Variants in ZFHX3 observed in about 807,000 individuals in gnomAD.
The protein encoded by ZFHX3 is zinc finger homeobox protein 3.
In ZFHX3, 42 loss-of-function variants were observed where a neutral mutation model predicts 279.1. That is an observed-to-expected ratio of 0.15 (90% CI 0.12 to 0.19). The LOEUF (loss-of-function observed/expected upper bound fraction) is 0.19, where lower values mean the gene tolerates loss of function less well. Ranked by LOEUF, ZFHX3 falls within the 10% of genes least tolerant of loss-of-function variation. ZFHX3 has a pLI of 1.00. For synonymous variants in ZFHX3, 2,293 were observed against 1,957.8 expected, an observed-to-expected ratio of 1.17 and a Z score of -4.52; for missense variants, 4,981 against 4,754.0, an observed-to-expected ratio of 1.05 and a Z score of -1.40.
chr16:72,811,554 G>A lies in ZFHX3; in HGVS notation c.3864+23C>T, dbSNP rs374024807. 8.4e-6 allele frequency: 13 copies of A among 1,553,314 alleles called. No individual in the cohort carries two copies. In the African/African-American group the frequency reaches 1.2e-4, roughly 15 times the overall value. On this transcript the variant is annotated intron_variant, in intron 7 of 9. Coordinates refer to ENST00000268489, the MANE Select transcript of ZFHX3 (RefSeq NM_006885.4). ...CTTTGACCCTGGAGAAAGACCACAG[G>A]GTGCTGCTCCTGGCTGCCTTACCGT...
At chr16:73,404,030 A>G (rs1337412673) in intron 3 of ZFHX3, among the ~76,000 whole-genome samples, 3 of 152,156 alleles carry the variant, frequency 2.0e-5, no homozygotes, top group African/African-American at 7.2e-5. Context: ...ATAAATTCAG[A>G]TCTTAGAAAA....
chr16:73,334,740 C>T (rs2015875618), intron 3 of ZFHX3, among the ~76,000 whole-genome samples: 1 of 151,360 alleles, frequency 6.6e-6, no homozygotes, highest in Admixed American at 6.6e-5. Flanking sequence ...CTGTCCCCTC[C>T]TCCTCTCAGT....
intron 1 of ZFHX3, among the ~76,000 whole-genome samples, chr16:73,882,105 C>T (rs554410674): frequency 1.2e-4 from 18 of 152,158 alleles, no homozygotes; most frequent in Non-Finnish European, 1.9e-4. Flanking sequence ...TTCCACTCGG[C>T]AAAGACTAAT....
At chr16:73,595,492 C>T (rs1300968448) in intron 2 of ZFHX3, among the ~76,000 whole-genome samples, 1 of 152,138 alleles carries the variant, frequency 6.6e-6, no homozygotes, top group Non-Finnish European at 1.5e-5. Flanking sequence ...TCTTTGGCCA[C>T]ATCCTTTGCT....
At chr16:73,021,176 C>G (rs1470150467) in intron 1 of ZFHX3, among the ~76,000 whole-genome samples, 1 of 152,092 alleles carries the variant, frequency 6.6e-6, no homozygotes, top group East Asian at 1.9e-4. Context: ...CATATAGTGG[C>G]TCAATAAAAG....
chr16:73,004,994 G>A (rs1164754138), intron 1 of ZFHX3, among the ~76,000 whole-genome samples: 2 of 152,100 alleles, frequency 1.3e-5, no homozygotes, highest in Non-Finnish European at 2.9e-5. Context: ...ACCATTTATT[G>A]CATAATTTTA....
At chr16:73,360,317 G>C (rs912929940) in intron 3 of ZFHX3, among the ~76,000 whole-genome samples, 1 of 152,138 alleles carries the variant, frequency 6.6e-6, no homozygotes, top group South Asian at 2.1e-4. Context: ...ATAAAGCCGA[G>C]ATTTGTTTTG....
At chr16:73,835,686 G>T (rs1465388239) in intron 1 of ZFHX3, among the ~76,000 whole-genome samples, 1 of 151,996 alleles carries the variant, frequency 6.6e-6, no homozygotes, top group South Asian at 2.1e-4. Flanking sequence ...GGTCAGGCTT[G>T]TGTTGAACTC....
chr16:73,528,233 T>A (rs554691174), intron 2 of ZFHX3, among the ~76,000 whole-genome samples: 1 of 152,220 alleles, frequency 6.6e-6, no homozygotes, highest in Non-Finnish European at 1.5e-5. Flanking sequence ...CTTATCAGAT[T>A]TATGAGTTTT....
At chr16:73,809,578 G>A (rs576410085) in intron 1 of ZFHX3, 4 of 152,312 alleles carry the variant, frequency 2.6e-5, no homozygotes, top group African/African-American at 9.6e-5. Flanking sequence ...TATTAACAGT[G>A]AAAGTGCATT....
At chr16:73,583,699 T>C (rs1281258795) in intron 2 of ZFHX3, among the ~76,000 whole-genome samples, 1 of 152,200 alleles carries the variant, frequency 6.6e-6, no homozygotes, top group Non-Finnish European at 1.5e-5. Flanking sequence ...CTATCATGCT[T>C]AATTCAATTC....
chr16:73,297,316 T>C (rs983431887), intron 4 of ZFHX3, among the ~76,000 whole-genome samples: 2 of 152,004 alleles, frequency 1.3e-5, no homozygotes, highest in Non-Finnish European at 2.9e-5. Context: ...TGTTTAATAA[T>C]GAAGAGCCCT....
chr16:73,666,038 G>A (rs562060464), intron 2 of ZFHX3, among the ~76,000 whole-genome samples: 90 of 151,356 alleles, frequency 5.9e-4, no homozygotes, highest in Middle Eastern at 3.4e-3. Context: ...GTATGGTCTC[G>A]ATCTCCTGAC....
At chr16:73,249,918 G>C (rs868122302) in intron 5 of ZFHX3, among the ~76,000 whole-genome samples, 1 of 151,776 alleles carries the variant, frequency 6.6e-6, no homozygotes, top group Non-Finnish European at 1.5e-5. Context: ...GACCATTCCC[G>C]CAACTACCAC....
intron 2 of ZFHX3, chr16:73,499,188 T>C (rs995993444): frequency 2.0e-5 from 3 of 152,058 alleles, no homozygotes; most frequent in Non-Finnish European, 2.9e-5. Context: ...GTCCCTCAGG[T>C]CCTTTGCCTC....
chr16:73,289,019 T>C (rs1324515963), intron 4 of ZFHX3, among the ~76,000 whole-genome samples: 2 of 148,748 alleles, frequency 1.3e-5, no homozygotes, highest in Non-Finnish European at 3.0e-5. Flanking sequence ...ATAAAACAGA[T>C]AAATTAATGT....
chr16:72,791,284 G>A (rs2035688196), intron 9 of ZFHX3: 1 of 152,230 alleles, frequency 6.6e-6, no homozygotes, highest in African/African-American at 2.4e-5. Flanking sequence ...ATAAACACAA[G>A]TTTGTTCCTT....
chr16:72,828,951 A>C (rs1484892732), intron 5 of ZFHX3, among the ~76,000 whole-genome samples: 1 of 151,346 alleles, frequency 6.6e-6, no homozygotes, highest in Non-Finnish European at 1.5e-5. Context: ...TCAGCCTCCC[A>C]AAGTGCTGGG....
intron 4 of ZFHX3, among the ~76,000 whole-genome samples, chr16:72,862,306 T>G (rs1418682447): frequency 1.3e-5 from 2 of 152,206 alleles, no homozygotes; most frequent in African/African-American, 4.8e-5. Flanking sequence ...CCCAGGGCCT[T>G]TGCACCAACC....
Sources: gnomAD v4.1 joint callset for allele counts (sites outside exome capture counted in the v4.1 genomes callset) on GRCh38, gnomAD v4.1.1 for gene constraint, MANE v1.5 for transcripts, NCBI Gene and HGNC (gene_info 2026-07-23, HGNC 2026-07-21) for gene names.